Variants in ACTR3C observed in about 807,000 individuals in gnomAD.
ACTR3C encodes the protein actin related protein 3C, also known as actin-related protein 3C.
In ACTR3C, 18 loss-of-function variants were observed where a neutral mutation model predicts 26.3. That is an observed-to-expected ratio of 0.68 (90% confidence interval 0.47 to 1.01). The LOEUF (loss-of-function observed/expected upper bound fraction) is 1.01, where lower values mean the gene tolerates loss of function less well. ACTR3C is among the 50% of genes least tolerant of loss of function. The pLI is 0.00. For synonymous variants in ACTR3C, 55 were observed against 94.5 expected (o/e 0.58, Z 2.42); for missense variants, 184 against 250.7 (o/e 0.73, Z 1.80).
the ACTR3C span, among the ~76,000 whole-genome samples, chr7:150,011,376 G>A: frequency 6.6e-6 from 1 of 152,050 alleles, no homozygotes; most frequent in Non-Finnish European, 1.5e-5. Flanking sequence ...CACGAGGTCA[G>A]GAGTTCAAGA....
At chr7:150,048,218 A>G in the ACTR3C span, among the ~76,000 whole-genome samples, 1 of 152,068 alleles carries the variant, frequency 6.6e-6, no homozygotes, top group Non-Finnish European at 1.5e-5. Context: ...AGCGAGGGAA[A>G]TGCCTAGGCC....
At chr7:150,038,457 G>T in the ACTR3C span, among the ~76,000 whole-genome samples, 3 of 143,238 alleles carry the variant, frequency 2.1e-5, 1 homozygote. Context: ...CATTTCAAAA[G>T]TTCCGGGTCC....
chr7:150,042,725 C>A, the ACTR3C span, among the ~76,000 whole-genome samples: 1 of 151,732 alleles, frequency 6.6e-6, no homozygotes, highest in Non-Finnish European at 1.5e-5. Context: ...AGGGCAGTTG[C>A]TGCCAAGGCC....
chr7:150,158,944 G>GC, the ACTR3C span, among the ~76,000 whole-genome samples: 1 of 143,804 alleles, frequency 7.0e-6, no homozygotes, highest in Non-Finnish European at 1.5e-5. Context: ...CAGACACACG[G>GC]GCACACACAG....
chr7:150,282,278 G>A (rs1835411196), intron 6 of ACTR3C, among the ~76,000 whole-genome samples: 1 of 150,934 alleles, frequency 6.6e-6, no homozygotes, highest in South Asian at 2.1e-4. Flanking sequence ...ACAACACGGT[G>A]GTGGAGCCTA....
the ACTR3C span, among the ~76,000 whole-genome samples, chr7:150,186,043 C>T: frequency 3.3e-5 from 5 of 152,022 alleles, no homozygotes; most frequent in African/African-American, 9.7e-5. Context: ...CTTGGTGAAA[C>T]GAAGGCAATA....
At chr7:150,038,294 G>T in the ACTR3C span, among the ~76,000 whole-genome samples, 2 of 137,914 alleles carry the variant, frequency 1.5e-5, no homozygotes, top group Admixed American at 7.1e-5. Flanking sequence ...CGTAGGCTAC[G>T]GGCCTCAGCC....
the ACTR3C span, among the ~76,000 whole-genome samples, chr7:149,941,850 T>C: frequency 6.6e-6 from 1 of 152,092 alleles, no homozygotes; most frequent in Non-Finnish European, 1.5e-5. Flanking sequence ...GACGAAGCCC[T>C]GCCTATGGAA....
the ACTR3C span, among the ~76,000 whole-genome samples, chr7:149,948,895 G>T: frequency 2.6e-5 from 4 of 151,940 alleles, no homozygotes; most frequent in Non-Finnish European, 5.9e-5. Flanking sequence ...GGAGTGGGAG[G>T]TAAAGGGAAT....
the ACTR3C span, among the ~76,000 whole-genome samples, chr7:150,057,276 CTTTTTTTTTT>C: frequency 8.8e-6 from 1 of 113,970 alleles, no homozygotes; most frequent in African/African-American, 3.6e-5. Context: ...GGAATAGGTC[CTTTTTTTTTT>C]TTTTTTTTTT....
At chr7:149,931,421 C>G in the ACTR3C span, among the ~76,000 whole-genome samples, 1 of 152,208 alleles carries the variant, frequency 6.6e-6, no homozygotes, top group Non-Finnish European at 1.5e-5. Flanking sequence ...TCCACTCTCT[C>G]ATCCTCTGAG....
the ACTR3C span, among the ~76,000 whole-genome samples, chr7:150,115,973 T>C: frequency 2.6e-5 from 4 of 152,232 alleles, no homozygotes; most frequent in African/African-American, 7.2e-5. Context: ...CAAACTTCCT[T>C]GCCACAGATC....
At chr7:150,228,303 C>T in the ACTR3C span, among the ~76,000 whole-genome samples, 3 of 152,152 alleles carry the variant, frequency 2.0e-5, no homozygotes, top group African/African-American at 7.2e-5. Context: ...ATCCTAATGT[C>T]TTATTTCTGG....
At chr7:149,954,009 C>A in the ACTR3C span, among the ~76,000 whole-genome samples, 12 of 140,680 alleles carry the variant, frequency 8.5e-5, no homozygotes, top group African/African-American at 3.3e-4. Context: ...TGCTACCATG[C>A]CGAGAGCAGA....
the ACTR3C span, among the ~76,000 whole-genome samples, chr7:150,005,724 C>T: frequency 1.3e-5 from 2 of 152,148 alleles, no homozygotes. Flanking sequence ...CTCTCTCTGT[C>T]CCTCAAGCAA....
At chr7:150,042,149 C>G in the ACTR3C span, among the ~76,000 whole-genome samples, 17 of 21,362 alleles carry the variant, frequency 8.0e-4, no homozygotes, top group East Asian at 1.8e-3. Flanking sequence ...GTGGGGGAAC[C>G]AGGGGCTGGC....
the ACTR3C span, among the ~76,000 whole-genome samples, chr7:150,082,847 T>C: frequency 1.3e-5 from 2 of 151,942 alleles, no homozygotes; most frequent in African/African-American, 4.8e-5. Context: ...TATCTATGGA[T>C]TAGCAAATGG....
chr7:150,265,855 G>C (rs1372288719), intron 6 of ACTR3C, among the ~76,000 whole-genome samples: 1 of 151,994 alleles, frequency 6.6e-6, no homozygotes. Context: ...ATCTAGGAGC[G>C]GGGAGCATCT....
chr7:150,017,406 G>GAGGTTGCAGT, the ACTR3C span, among the ~76,000 whole-genome samples: 3 of 150,642 alleles, frequency 2.0e-5, no homozygotes, highest in African/African-American at 7.5e-5. Flanking sequence ...TCACAGACCA[G>GAGGTTGCAGT]GTCCATTCTC....
Sources: gnomAD v4.1 joint callset for allele counts (sites outside exome capture counted in the v4.1 genomes callset) on GRCh38, gnomAD v4.1.1 for gene constraint, MANE v1.5 for transcripts, NCBI Gene and HGNC (gene_info 2026-07-23, HGNC 2026-07-21) for gene names.